NTN1: variants seen among roughly 807,000 people sequenced by gnomAD.
NTN1 encodes netrin-1.
A neutral mutation model predicts 54.2 loss-of-function variants in NTN1; 11 were observed. The observed-to-expected ratio is 0.20, with a 90% confidence interval of 0.13 to 0.34. NTN1 has a LOEUF of 0.34. NTN1 is among the 10% of genes least tolerant of loss of function. NTN1 has a pLI of 1.00. For missense variants in NTN1, 740 were observed against 893.1 expected, an observed-to-expected ratio of 0.83 and a Z score of 2.18; for synonymous variants, 371 against 382.0, an observed-to-expected ratio of 0.97 and a Z score of 0.33.
chr17:9,146,245 C>T (rs1781977663), intron 2 of NTN1, among the ~76,000 whole-genome samples: 1 of 152,158 alleles, frequency 6.6e-6, no homozygotes, highest in African/African-American at 2.4e-5. Flanking sequence ...CATAATGACC[C>T]AGGGGTGCCT....
intron 2 of NTN1, among the ~76,000 whole-genome samples, chr17:9,129,796 ATT>A (rs2092258689): frequency 6.6e-6 from 1 of 152,108 alleles, no homozygotes; most frequent in Admixed American, 6.5e-5. Context: ...GTGTGCAGCC[ATT>A]GACTCCTGAG....
At chr17:9,118,584 A>G (rs2142259334) in intron 2 of NTN1, among the ~76,000 whole-genome samples, 1 of 152,304 alleles carries the variant, frequency 6.6e-6, no homozygotes, top group South Asian at 2.1e-4. Context: ...CCATCACCAT[A>G]ATAGATTTTA....
intron 5 of NTN1, among the ~76,000 whole-genome samples, chr17:9,198,179 T>G (rs11654554): frequency 0.23 from 34,896 of 151,916 alleles, 4,441 homozygotes; most frequent in East Asian, 0.37. Context: ...AGCACGAGAG[T>G]GCAGGGGAAG....
intron 5 of NTN1, among the ~76,000 whole-genome samples, chr17:9,210,441 C>T (rs1325308667): frequency 2.7e-5 from 2 of 73,620 alleles, no homozygotes; most frequent in African/African-American, 1.4e-4. Flanking sequence ...CACACCCCCA[C>T]ACCCACACAC....
In NTN1 at chr17:9,022,854, A is replaced by C. The variant is rs1240273489; in HGVS notation, c.481A>C (p.Ile161Leu). Reference protein sequence around the residue: ...FCSPRPESMAIYKSMDYGRTW... With the variant: ...FCSPRPESMALYKSMDYGRTW... ...CTCGCCGCGGCCCGAGTCCATGGCCATCTACAAGTCCATGGACTACGGGCG... is the reference window on the plus strand; with the variant it reads ...CTCGCCGCGGCCCGAGTCCATGGCCCTCTACAAGTCCATGGACTACGGGCG... Residue 161 changes from isoleucine to leucine, a missense_variant, in exon 2 of 7, where the codon ATC becomes CTC. Ile to Leu is a conservative substitution (Grantham distance 5). Transcript: ENST00000173229. The C allele has an allele frequency of 6.2e-7, 1 of 1,611,476 alleles. No individual in the cohort carries two copies. Among genetic ancestry groups the C allele is most frequent in the Admixed American group, 1.7e-5 (1 of 59,918 alleles).
intron 2 of NTN1, 133 bp downstream of exon 2, chr17:9,023,524 C>G: frequency 1.8e-6 from 2 of 1,131,696 alleles, no homozygotes; most frequent in Non-Finnish European, 2.3e-6. Flanking sequence ...TGCCCGGGAC[C>G]CGGGAGGGCT....
chr17:9,083,204 T>A (rs551691368), intron 2 of NTN1, among the ~76,000 whole-genome samples: 3 of 152,316 alleles, frequency 2.0e-5, no homozygotes, highest in East Asian at 3.9e-4. Context: ...GTTTAAGTGA[T>A]TCTCCTGCCT....
chr17:9,205,814 C>T (rs373031850), intron 5 of NTN1, among the ~76,000 whole-genome samples: 2 of 152,238 alleles, frequency 1.3e-5, no homozygotes, highest in East Asian at 3.9e-4. Flanking sequence ...AACACTTGTA[C>T]CTCTGTTTTC....
At chr17:9,237,818 G>A (rs1051872216) in intron 6 of NTN1, among the ~76,000 whole-genome samples, 3 of 152,100 alleles carry the variant, frequency 2.0e-5, no homozygotes, top group Admixed American at 1.3e-4. Context: ...AAATACACTC[G>A]GCCCAGCCAC....
intron 3 of NTN1, chr17:9,174,687 C>T (rs992851984): frequency 6.6e-6 from 1 of 152,256 alleles, no homozygotes; most frequent in Admixed American, 6.5e-5. Context: ...CCAGTGACCT[C>T]ACTTTAAATT....
At chr17:9,203,664 G>C (rs566984005) in intron 5 of NTN1, among the ~76,000 whole-genome samples, 8 of 152,146 alleles carry the variant, frequency 5.3e-5, no homozygotes, top group African/African-American at 1.9e-4. Context: ...TTAGCCAGGC[G>C]TGGTGGTGGG....
At chr17:9,061,081 C>CAGGTTGAA (rs2091996671) in intron 2 of NTN1, among the ~76,000 whole-genome samples, 1 of 151,922 alleles carries the variant, frequency 6.6e-6, no homozygotes, top group African/African-American at 2.4e-5. Flanking sequence ...GTTGAATCAC[C>CAGGTTGAA]TTAGGTTGTT....
At position 9,169,048 on chromosome 17, in the gene NTN1, T is replaced by A. The variant is rs73254087; in HGVS notation, c.1207+6047T>A. Among the ~76,000 whole-genome samples the A allele has an allele frequency of 5.0e-3, 755 of 152,362 alleles. 10 individuals carry two copies. The highest frequency in any genetic ancestry group is 0.017 in the African/African-American group (715 of 41,578). ...CCCAGTGGAAGAGTTTCACTCCAAC[T>A]GTGATCTGTGTGGATGCATCTTTTC... On this transcript the variant is annotated intron_variant, in intron 3 of 6. Transcript: ENST00000173229.
chr17:9,188,832 A>C (rs1018094524), intron 5 of NTN1, among the ~76,000 whole-genome samples: 1 of 152,156 alleles, frequency 6.6e-6, no homozygotes, highest in Non-Finnish European at 1.5e-5. Context: ...GGGTCCACAG[A>C]GGAGACCACT....
intron 2 of NTN1, among the ~76,000 whole-genome samples, chr17:9,149,290 C>T (rs1288746572): frequency 1.3e-5 from 2 of 152,078 alleles, no homozygotes; most frequent in African/African-American, 4.8e-5. Flanking sequence ...GCTGCCACCC[C>T]CCGAGCTGCT....
At chr17:9,158,850 TC>T (rs2092350454) in intron 2 of NTN1, among the ~76,000 whole-genome samples, 1 of 152,208 alleles carries the variant, frequency 6.6e-6, no homozygotes, top group African/African-American at 2.4e-5. Context: ...TTAGCAAGGT[TC>T]TGGGACTCAT....
intron 2 of NTN1, among the ~76,000 whole-genome samples, chr17:9,100,315 TG>T (rs2092145958): frequency 6.6e-6 from 1 of 152,032 alleles, no homozygotes; most frequent in Non-Finnish European, 1.5e-5. Flanking sequence ...TTTATTTTTT[TG>T]AGACAGAGTC....
At chr17:9,119,214 C>T (rs2092224630) in intron 2 of NTN1, among the ~76,000 whole-genome samples, 1 of 152,010 alleles carries the variant, frequency 6.6e-6, no homozygotes, top group Admixed American at 6.6e-5. Context: ...TCAGACAAAG[C>T]CTCACTCTTG....
At chr17:9,213,037 G>A (rs1403893295) in intron 5 of NTN1, among the ~76,000 whole-genome samples, 2 of 152,228 alleles carry the variant, frequency 1.3e-5, no homozygotes, top group South Asian at 2.1e-4. Context: ...GAGGCAGGAC[G>A]GTCTCGGCCG....
Sources: gnomAD v4.1 joint callset for allele counts (sites outside exome capture counted in the v4.1 genomes callset) on GRCh38, gnomAD v4.1.1 for gene constraint, MANE v1.5 for transcripts, NCBI Gene and HGNC (gene_info 2026-07-23, HGNC 2026-07-21) for gene names.